Variants in CDH13 observed in about 807,000 individuals in gnomAD.
CDH13 encodes the protein cadherin-13.
In CDH13, 24 loss-of-function variants were observed where a neutral mutation model predicts 63.8. That is an observed-to-expected ratio of 0.38 (90% CI 0.27 to 0.53). The LOEUF is 0.53. Among genes scored for constraint, CDH13 ranks in the 20% least tolerant of loss-of-function variants. The probability of loss-of-function intolerance (pLI) is 0.85; values close to 1 mark genes in which losing one functional copy is unlikely to be tolerated. For missense variants in CDH13, 1,049 were observed against 903.1 expected (o/e 1.16, Z -2.07); for synonymous variants, 503 against 355.3 (o/e 1.42, Z -4.67).
In CDH13 at chr16:82,925,845, A is replaced by C. The variant is rs1400782873; in HGVS notation, c.157+67372A>C. 2.6e-5 allele frequency: 4 copies of C among 152,220 alleles called. No homozygotes were observed. The South Asian group carries it at 6.2e-4, about 24-fold the overall frequency. The allele number at this position is 152,220 out of a possible 1,614,324, so 9.4% of individuals were successfully genotyped here. ...TCTCCTACCACCGAGGACTTGCCTT[A>C]CTTTTTTTTTGTTGTTTTCTCCATG... On this transcript the variant is annotated intron_variant, in intron 2 of 13. Transcript: ENST00000567109.
intron 3 of CDH13, among the ~76,000 whole-genome samples, chr16:83,117,160 A>T (rs1052821386): frequency 1.3e-5 from 2 of 152,336 alleles, no homozygotes; most frequent in African/African-American, 4.8e-5. Context: ...CCTCAGCTCA[A>T]AACCCTTCCA....
At chr16:83,111,705 G>C (rs1243619725) in intron 3 of CDH13, among the ~76,000 whole-genome samples, 2 of 152,204 alleles carry the variant, frequency 1.3e-5, no homozygotes, top group African/African-American at 4.8e-5. Flanking sequence ...TGAAGCACTT[G>C]CTGTAGCCAT....
rs141700464 is a variant in CDH13, at chr16:82,646,754, G to A, written c.45+19617G>A. ...TTAGGTATGTCAGTAGCAGGCATGGGCAAAGGAAGGAGAAAGTAATGATCA... is the reference window on the plus strand; with the variant it reads ...TTAGGTATGTCAGTAGCAGGCATGGACAAAGGAAGGAGAAAGTAATGATCA... On this transcript the variant is annotated intron_variant, in intron 1 of 13. Transcript: ENST00000567109. 3.6e-3 allele frequency among the ~76,000 whole-genome samples: 552 copies of A among 152,280 alleles called. 5 individuals are homozygous for A. Among genetic ancestry groups the A allele is most frequent in the South Asian group, 7.3e-3 (35 of 4,824 alleles).
At chr16:83,031,134 C>T (rs1916269098) in intron 2 of CDH13, among the ~76,000 whole-genome samples, 1 of 148,076 alleles carries the variant, frequency 6.8e-6, no homozygotes, top group African/African-American at 2.5e-5. Flanking sequence ...ATTACATGCA[C>T]ATATACCATA....
chr16:83,608,343 C>G (rs74750092), intron 8 of CDH13, among the ~76,000 whole-genome samples: 17,044 of 152,236 alleles, frequency 0.11, 1,201 homozygotes, highest in Middle Eastern at 0.21. Flanking sequence ...AGCTGTCAAG[C>G]TGCAAGTGAG....
chr16:83,149,509 G>C (rs1475705501), intron 4 of CDH13, among the ~76,000 whole-genome samples: 1 of 152,152 alleles, frequency 6.6e-6, no homozygotes, highest in Non-Finnish European at 1.5e-5. Context: ...AATTCCACAA[G>C]TAATTCATGG....
intron 5 of CDH13, among the ~76,000 whole-genome samples, chr16:83,224,808 C>T (rs949287224): frequency 1.3e-5 from 2 of 152,136 alleles, no homozygotes; most frequent in African/African-American, 4.8e-5. Context: ...ACAGTGTTAT[C>T]ATTAGTGGGT....
chr16:83,143,667 A>C (rs1247469146), intron 4 of CDH13, among the ~76,000 whole-genome samples: 1 of 152,188 alleles, frequency 6.6e-6, no homozygotes. Context: ...AATCTCAGGG[A>C]CAAGAATGAG....
intron 2 of CDH13, among the ~76,000 whole-genome samples, chr16:82,993,990 T>C (rs1468799549): frequency 6.6e-6 from 1 of 152,166 alleles, no homozygotes; most frequent in African/African-American, 2.4e-5. Context: ...TTCCCCATCA[T>C]TATATCCCTT....
chr16:82,937,111 C>G (rs1257739752), intron 2 of CDH13, among the ~76,000 whole-genome samples: 2 of 152,168 alleles, frequency 1.3e-5, no homozygotes, highest in African/African-American at 4.8e-5. Context: ...GAAATAGTAA[C>G]TAGCATTAAA....
chr16:83,448,330 T>C (rs1380500856), intron 6 of CDH13, among the ~76,000 whole-genome samples: 1 of 152,068 alleles, frequency 6.6e-6, no homozygotes, highest in African/African-American at 2.4e-5. Flanking sequence ...GCTAGACATA[T>C]AAATGCAGAG....
intron 3 of CDH13, among the ~76,000 whole-genome samples, chr16:83,099,940 A>C (rs991942788): frequency 1.3e-5 from 2 of 152,140 alleles, no homozygotes; most frequent in Non-Finnish European, 2.9e-5. Flanking sequence ...CAAAGCACCC[A>C]CACTGTCCTA....
chr16:83,472,276 C>A (rs1042429727), intron 6 of CDH13, among the ~76,000 whole-genome samples: 1 of 152,224 alleles, frequency 6.6e-6, no homozygotes, highest in Non-Finnish European at 1.5e-5. Context: ...TGCTAACCCT[C>A]TGAGTATTGT....
chr16:83,559,318 T>C (rs1310278943), intron 7 of CDH13, among the ~76,000 whole-genome samples: 1 of 152,178 alleles, frequency 6.6e-6, no homozygotes, highest in East Asian at 1.9e-4. Context: ...ACACCTGTAA[T>C]CCCAACACTT....
At chr16:83,249,338 G>A (rs182038744) in intron 5 of CDH13, among the ~76,000 whole-genome samples, 4 of 152,258 alleles carry the variant, frequency 2.6e-5, no homozygotes, top group African/African-American at 7.2e-5. Flanking sequence ...TATCAGCCAT[G>A]GCAGGATTGT....
Position 83,705,466 on chromosome 16 carries a change from C to CA in CDH13, c.1538+27011dup, listed in dbSNP as rs568277789. ...TGAAATCCTGTCTCTACTAAAAATACAAAAAATTAGCCGGGCATGATGGTG... is the reference window on the plus strand; with the variant it reads ...TGAAATCCTGTCTCTACTAAAAATACAAAAAAATTAGCCGGGCATGATGGTG... On this transcript the variant is annotated intron_variant, in intron 10 of 13. Coordinates refer to ENST00000567109, the MANE Select transcript of CDH13 (RefSeq NM_001257.5). Among the ~76,000 whole-genome samples, 24 of 152,008 alleles carry CA rather than the reference C, an allele frequency of 1.6e-4. No homozygotes were observed. In the East Asian group the frequency reaches 3.5e-3, roughly 22 times the overall value.
chr16:83,217,577 A>G (rs2039576029), intron 5 of CDH13, 80 bp downstream of exon 5: 3 of 1,428,298 alleles, frequency 2.1e-6, no homozygotes, highest in Non-Finnish European at 2.9e-6. Flanking sequence ...TGAGCTCATT[A>G]TTTCTGTGCC....
intron 5 of CDH13, among the ~76,000 whole-genome samples, chr16:83,260,097 TACACACACACACACACACACACAC>T (rs61647390): frequency 7.9e-6 from 1 of 126,478 alleles, no homozygotes; most frequent in African/African-American, 2.9e-5. Flanking sequence ...GTACCCCCAA[TACACACACACACACACACACACAC>T]ACACACACAC....
chr16:83,572,585 C>T (rs567349221), intron 7 of CDH13, among the ~76,000 whole-genome samples: 6 of 152,248 alleles, frequency 3.9e-5, no homozygotes, highest in South Asian at 4.1e-4. Flanking sequence ...CAACATATGG[C>T]CCCAAAATAA....
Sources: gnomAD v4.1 joint callset for allele counts (sites outside exome capture counted in the v4.1 genomes callset) on GRCh38, gnomAD v4.1.1 for gene constraint, MANE v1.5 for transcripts, NCBI Gene and HGNC (gene_info 2026-07-23, HGNC 2026-07-21) for gene names.